PRKCE: variants seen among roughly 807,000 people sequenced by gnomAD.
The protein encoded by PRKCE is protein kinase C epsilon type.
PRKCE carries 16 observed loss-of-function variants against 85.4 expected under a neutral mutation model. The ratio of observed to expected loss-of-function variants is 0.19; its 90% CI spans 0.13 to 0.28. The LOEUF (loss-of-function observed/expected upper bound fraction) is 0.28. Ranked by LOEUF, PRKCE falls within the 10% of genes least tolerant of loss-of-function variation. The probability of loss-of-function intolerance (pLI) is 1.00; values close to 1 mark genes in which losing one functional copy is unlikely to be tolerated. For synonymous variants in PRKCE, 388 were observed against 371.5 expected, an observed-to-expected ratio of 1.04 and a Z score of -0.51; for missense variants, 573 against 975.2, an observed-to-expected ratio of 0.59 and a Z score of 5.49.
chr2:45,937,759 T>C (rs1699578196), intron 2 of PRKCE, among the ~76,000 whole-genome samples: 1 of 152,088 alleles, frequency 6.6e-6, no homozygotes, highest in South Asian at 2.1e-4. Context: ...TATATCATCG[T>C]TCCAACAAAA....
intron 1 of PRKCE, among the ~76,000 whole-genome samples, chr2:45,690,607 A>T (rs968979498): frequency 6.6e-6 from 1 of 152,182 alleles, no homozygotes; most frequent in Non-Finnish European, 1.5e-5. Flanking sequence ...TACATGTAAG[A>T]GGTTTTTCAT....
chr2:46,089,544 G>T (rs1299436786), intron 11 of PRKCE, among the ~76,000 whole-genome samples: 1 of 152,134 alleles, frequency 6.6e-6, no homozygotes, highest in Admixed American at 6.5e-5. Flanking sequence ...GCAGCCTTCA[G>T]CCCTTATAAG....
intron 10 of PRKCE, among the ~76,000 whole-genome samples, chr2:46,082,970 C>T (rs1261150240): frequency 6.6e-6 from 1 of 151,704 alleles, no homozygotes; most frequent in Non-Finnish European, 1.5e-5. Context: ...TTTTTTGAGA[C>T]GGAGTTTCTC....
chr2:46,007,416 T>C (rs762164804), intron 8 of PRKCE, 46 bp from the exon 9 acceptor site: 5 of 1,582,858 alleles, frequency 3.2e-6, no homozygotes, highest in Non-Finnish European at 3.4e-6. Context: ...TGTAACAGGC[T>C]TAAGAGGTAT....
At chr2:45,717,916 C>T (rs1374354326) in intron 1 of PRKCE, among the ~76,000 whole-genome samples, 1 of 152,170 alleles carries the variant, frequency 6.6e-6, no homozygotes, top group Non-Finnish European at 1.5e-5. Flanking sequence ...CATATTGTAC[C>T]TCTTGTGGAC....
rs543421335 is a variant in PRKCE, at chr2:46,019,800, C to T, written c.1437+9283C>T. 5.3e-5 allele frequency among the ~76,000 whole-genome samples: 8 copies of T among 150,946 alleles called. No individual in the cohort carries two copies. In the East Asian group the frequency reaches 1.6e-3, roughly 29 times the overall value. ...TTTACCACTAAGGAATATATTTACC[C>T]ATTCTCCTAAACTGTTTGCTTTTTC... On this transcript the variant is annotated intron_variant, in intron 10 of 14. Transcript: ENST00000306156.
chr2:45,656,067 G>C (rs890691818), intron 1 of PRKCE, among the ~76,000 whole-genome samples: 1 of 152,310 alleles, frequency 6.6e-6, no homozygotes, highest in African/African-American at 2.4e-5. Flanking sequence ...GAGTGTACCT[G>C]TCAGAAAGGA....
At chr2:45,682,303 A>T (rs1408998076) in intron 1 of PRKCE, among the ~76,000 whole-genome samples, 1 of 152,218 alleles carries the variant, frequency 6.6e-6, no homozygotes, top group East Asian at 1.9e-4. Context: ...ATGATGTTTG[A>T]TGAGCACCGA....
At chr2:45,927,207 G>C (rs1375136207) in intron 2 of PRKCE, among the ~76,000 whole-genome samples, 1 of 152,082 alleles carries the variant, frequency 6.6e-6, no homozygotes, top group African/African-American at 2.4e-5. Flanking sequence ...AGTGTGCATG[G>C]GGGGGGTGTT....
rs1262768970 is a variant in PRKCE at position 45,774,552 on chromosome 2, AG to A, written c.349-68447del. Among the ~76,000 whole-genome samples the A allele has an allele frequency of 2.0e-5, 3 of 152,096 alleles. No individual in the cohort carries two copies. The highest frequency in any genetic ancestry group is 7.2e-5 in the African/African-American group (3 of 41,418). On this transcript the variant is annotated intron_variant, in intron 1 of 14. Transcript: ENST00000306156. The surrounding 1 kb of genome is among the most constrained non-coding windows in gnomAD (Gnocchi z 4.3). ...CCAAAGCACCCCATGCCTTGGGGAA[AG>A]CTGAATGCCAGGAATCGGGTGGCTT...
chr2:45,812,195 T>G (rs1017714511), intron 1 of PRKCE, among the ~76,000 whole-genome samples: 2 of 152,240 alleles, frequency 1.3e-5, no homozygotes, highest in Admixed American at 6.5e-5. Context: ...AACAGGATCA[T>G]TTTCAAGATT....
At chr2:45,988,998 G>T (rs1013478887) in intron 6 of PRKCE, among the ~76,000 whole-genome samples, 1 of 152,140 alleles carries the variant, frequency 6.6e-6, no homozygotes, top group Admixed American at 6.6e-5. Flanking sequence ...AGAAGATCCA[G>T]TTCTCACCTG....
chr2:45,942,997 G>A (rs1699994152), intron 2 of PRKCE, among the ~76,000 whole-genome samples: 1 of 152,148 alleles, frequency 6.6e-6, no homozygotes, highest in African/African-American at 2.4e-5. Context: ...CTTTAGAAGT[G>A]TTGCACAAAT....
intron 10 of PRKCE, among the ~76,000 whole-genome samples, chr2:46,035,798 C>A (rs1199840787): frequency 6.6e-6 from 1 of 152,192 alleles, no homozygotes; most frequent in Non-Finnish European, 1.5e-5. Flanking sequence ...ATTAATTTAA[C>A]ATCTGTTTAT....
At chr2:45,963,937 T>A (rs1701557832) in intron 2 of PRKCE, among the ~76,000 whole-genome samples, 1 of 152,236 alleles carries the variant, frequency 6.6e-6, no homozygotes, top group African/African-American at 2.4e-5. Context: ...AGAAGCTCTG[T>A]GGAGCCCAAG....
intron 2 of PRKCE, among the ~76,000 whole-genome samples, chr2:45,925,588 G>T (rs954371035): frequency 6.6e-6 from 1 of 152,134 alleles, no homozygotes; most frequent in Non-Finnish European, 1.5e-5. Flanking sequence ...GAACCACCGC[G>T]CCCGGCCAAG....
intron 11 of PRKCE, among the ~76,000 whole-genome samples, chr2:46,093,347 AAGATATACATAC>A (rs1670362451): frequency 1.3e-5 from 2 of 152,276 alleles, no homozygotes; most frequent in Admixed American, 1.3e-4. Context: ...ACTTCAGTCA[AAGATATACATAC>A]AGATGAATTA....
At chr2:45,958,587 C>T (rs1447942615) in intron 2 of PRKCE, among the ~76,000 whole-genome samples, 1 of 149,862 alleles carries the variant, frequency 6.7e-6, no homozygotes, top group African/African-American at 2.4e-5. Flanking sequence ...TGCCAGGGAG[C>T]ACCCCCTTGA....
intron 14 of PRKCE, among the ~76,000 whole-genome samples, chr2:46,178,838 T>C (rs1257517186): frequency 2.0e-5 from 3 of 152,054 alleles, no homozygotes; most frequent in Non-Finnish European, 4.4e-5. Context: ...ATGGGGAATA[T>C]AATACACATG....
Sources: gnomAD v4.1 joint callset for allele counts (sites outside exome capture counted in the v4.1 genomes callset) on GRCh38, gnomAD v4.1.1 for gene constraint, Gnocchi (gnomAD v3.1) non-coding constraint, MANE v1.5 for transcripts, NCBI Gene and HGNC (gene_info 2026-07-23, HGNC 2026-07-21) for gene names.